The following ZMYND8 variants were observed in gnomAD, a reference collection of about 807,000 sequenced individuals.
The protein encoded by ZMYND8 is MYND-type zinc finger-containing chromatin reader ZMYND8.
A neutral mutation model predicts 140.8 loss-of-function variants in ZMYND8; 37 were observed. The observed-to-expected ratio is 0.26, with a 90% CI of 0.20 to 0.35. The LOEUF (loss-of-function observed/expected upper bound fraction) is 0.35, where lower values mean the gene tolerates loss of function less well. Among genes scored for constraint, ZMYND8 ranks in the 10% least tolerant of loss-of-function variants. The pLI, the probability that ZMYND8 is intolerant of heterozygous loss-of-function variation, is 1.00. For missense variants in ZMYND8, 1,068 were observed against 1,570.0 expected (o/e 0.68, Z 5.40); for synonymous variants, 592 against 597.1 (o/e 0.99, Z 0.12).
At position 47,278,326 on chromosome 20, in the gene ZMYND8, C is replaced by T. The variant is rs931581220; in HGVS notation, c.999-1531G>A. 2.6e-5 allele frequency among the ~76,000 whole-genome samples: 4 copies of T among 152,104 alleles called. 1 individual carries two copies. The highest frequency in any genetic ancestry group is 2.0e-4 in the Admixed American group (3 of 15,258). On this transcript the variant is annotated intron_variant, in intron 10 of 22. Transcript: ENST00000471951. The stretch of plus-strand genomic sequence containing the variant: ...ATTTCACAGACCACAAACTGAAGCC[C>T]GGTAGAAAGCAGTGGGGAGCAAAGG...
chr20:47,211,041 C>T lies in ZMYND8; in HGVS notation c.3569-144G>A. The T allele has an allele frequency of 2.6e-6, 3 of 1,141,460 alleles. No individual in the cohort carries two copies. In the South Asian group the frequency reaches 5.0e-5, roughly 19 times the overall value. The allele number at this position is 1,141,460 out of a possible 1,614,324, so 70.7% of individuals were successfully genotyped here. On this transcript the variant is annotated intron_variant, in intron 22 of 22. Coordinates refer to ENST00000471951, the MANE Select transcript of ZMYND8 (RefSeq NM_001281775.3). ...TCAAACACTGCCACCGCTGACTGCC[C>T]TGCATCTGTGGGTCTGTAGAACAGA...
At position 47,312,370 on chromosome 20, in the gene ZMYND8, C is replaced by T. The variant is rs1279311446; in HGVS notation, c.86-2166G>A. 2.0e-5 allele frequency among the ~76,000 whole-genome samples: 3 copies of T among 152,196 alleles called. No individual in the cohort carries two copies. The East Asian group carries it at 5.8e-4, about 29-fold the overall frequency. On this transcript the variant is annotated intron_variant, in intron 2 of 22. Transcript: ENST00000471951. The stretch of plus-strand genomic sequence containing the variant: ...GAACTCTCCAGCCTCACCATGCAAG[C>T]TTCTGGACAATCCTGAACAAATATT...
Position 47,210,620 on chromosome 20 carries a change from C to T in ZMYND8, c.*141G>A, listed in dbSNP as rs750250488. On this transcript the variant is annotated 3_prime_UTR_variant, in exon 23 of 23. Coordinates refer to ENST00000471951, the MANE Select transcript of ZMYND8 (RefSeq NM_001281775.3). The stretch of plus-strand genomic sequence containing the variant: ...GTGTCCTGTAGTGTAGCAGCCCCCG[C>T]GCCGGGGGCTCAGGCTCAACTGAGG... 9.5e-6 allele frequency: 13 copies of T among 1,372,018 alleles called. No homozygotes were observed. Among genetic ancestry groups the T allele is most frequent in the South Asian group, 2.4e-5 (2 of 83,298 alleles). 85.0% of individuals were successfully genotyped at this position (1,372,018 alleles called of 1,614,324 possible). A position where few individuals can be genotyped will look rare whatever the true frequency, so the allele number is the denominator to read the frequency against.
Position 47,347,861 on chromosome 20 carries a change from G to T in ZMYND8, c.80C>A (p.Ser27Tyr). The change falls in exon 2 of 23, where the codon TCC (serine) becomes TAC (tyrosine). Residue 27 changes from serine to tyrosine, a missense_variant. Ser to Tyr is a moderately radical substitution (Grantham distance 144, BLOSUM62 -2). Around this residue, in one of 10 missense-constraint regions of ZMYND8, gnomAD observed 77 missense variants for 85.1 expected, o/e 0.91. Coordinates refer to ENST00000471951, the MANE Select transcript of ZMYND8 (RefSeq NM_001281775.3). ...VVEGMDISTR[S>Y]KDPGSAERTA... is the part of the protein sequence containing the mutation. The stretch of plus-strand genomic sequence containing the variant: ...AATACAAGATTTTTACTCACCTTTG[G>T]AGCGAGTAGAGATATCCATGCCCTC... The T allele has an allele frequency of 6.2e-7, 1 of 1,613,668 alleles. No individual in the cohort carries two copies. Among genetic ancestry groups the T allele is most frequent in the Non-Finnish European group, 8.5e-7 (1 of 1,179,922 alleles).
intron 7 of ZMYND8, among the ~76,000 whole-genome samples, chr20:47,288,496 C>T (rs1241350108): frequency 2.0e-5 from 3 of 149,138 alleles, no homozygotes; most frequent in African/African-American, 5.0e-5. Flanking sequence ...TGGGTTGAAG[C>T]GATTCTTGCG....
At chr20:47,318,262 C>T (rs768834018) in intron 2 of ZMYND8, among the ~76,000 whole-genome samples, 43 of 152,152 alleles carry the variant, frequency 2.8e-4, no homozygotes, top group Admixed American at 1.3e-4. Context: ...GAAGCAGAGG[C>T]CTGCTCTACA....
chr20:47,293,015 A>G (rs2077365823), intron 5 of ZMYND8, among the ~76,000 whole-genome samples: 1 of 148,844 alleles, frequency 6.7e-6, no homozygotes, highest in Non-Finnish European at 1.5e-5. Context: ...GTAAGCTATG[A>G]CTGCGCTCCA....
intron 13 of ZMYND8, 62 bp from the exon 14 acceptor site, chr20:47,246,579 A>G: frequency 6.6e-7 from 1 of 1,511,936 alleles, no homozygotes; most frequent in East Asian, 2.3e-5. Flanking sequence ...AGGATGAAAA[A>G]TGCAAACATT....
In ZMYND8 at chr20:47,298,971, G is replaced by A; in HGVS notation, c.235-24C>T. ...GACTGAAATGTAGGCAAAAAGACAG[G>A]TTTGGTTTCAAAACAAATGTGCATT... On this transcript the variant is annotated intron_variant, in intron 3 of 22. Transcript: ENST00000471951. The surrounding 1 kb of genome is among the most constrained non-coding windows in gnomAD (Gnocchi z 5.0). 1 of 1,608,688 alleles carries A rather than the reference G, an allele frequency of 6.2e-7. No homozygotes were observed. The highest frequency in any genetic ancestry group is 1.1e-5 in the South Asian group (1 of 90,998).
intron 3 of ZMYND8, among the ~76,000 whole-genome samples, chr20:47,307,329 A>G (rs191480993): frequency 6.6e-6 from 1 of 151,542 alleles, no homozygotes; most frequent in African/African-American, 2.4e-5. Context: ...GTGGTGGTGC[A>G]TGCCTGTAAT....
intron 5 of ZMYND8, among the ~76,000 whole-genome samples, chr20:47,294,448 T>C (rs912609373): frequency 6.6e-6 from 1 of 152,180 alleles, no homozygotes; most frequent in African/African-American, 2.4e-5. Flanking sequence ...AACAGACTAA[T>C]GTACCAATTA....
At chr20:47,245,986 G>A (rs371656491) in intron 14 of ZMYND8, 22 bp downstream of exon 14, 1 of 1,551,056 alleles carries the variant, frequency 6.4e-7, no homozygotes, top group Non-Finnish European at 8.7e-7. Flanking sequence ...TAAGAAAACT[G>A]GAAACAGATA....
At chr20:47,340,899 G>A (rs926283900) in intron 2 of ZMYND8, among the ~76,000 whole-genome samples, 1 of 152,162 alleles carries the variant, frequency 6.6e-6, no homozygotes. Flanking sequence ...AAAATCAGAG[G>A]GATAGAGGAC....
chr20:47,276,724 C>A lies in ZMYND8; in HGVS notation c.1070G>T (p.Ser357Ile). ...CTCTTGCATGGCACTGTTGAAGATG[C>A]TCTTAGTCTTTTTCACAGAAAAAGG... The part of the protein sequence containing the change: ...EIPFSVKKTK[S>I]IFNSAMQEME... The change falls in exon 11 of 23, where the codon AGC (serine) becomes ATC (isoleucine). Residue 357 changes from serine to isoleucine, a missense_variant. Physicochemically the swap from Ser to Ile is moderately radical, Grantham distance 142. This residue lies in a region of ZMYND8 where 49 missense variants were observed against 94.1 expected (regional missense o/e 0.52). Transcript: ENST00000471951. 1 of 1,613,964 alleles carries A rather than the reference C, an allele frequency of 6.2e-7. No individual in the cohort carries two copies. The highest frequency in any genetic ancestry group is 8.5e-7 in the Non-Finnish European group (1 of 1,180,000).
intron 16 of ZMYND8, among the ~76,000 whole-genome samples, chr20:47,234,097 G>C (rs2038902447): frequency 6.6e-6 from 1 of 152,216 alleles, no homozygotes; most frequent in Non-Finnish European, 1.5e-5. Flanking sequence ...AGCCCAGGCT[G>C]GAGTGCAGTG....
chr20:47,221,152 C>T (rs2036880335), intron 20 of ZMYND8, among the ~76,000 whole-genome samples, 162 bp downstream of exon 20: 1 of 152,128 alleles, frequency 6.6e-6, no homozygotes, highest in South Asian at 2.1e-4. Flanking sequence ...CCACACACGC[C>T]GGCCCAGGCT....
intron 11 of ZMYND8, among the ~76,000 whole-genome samples, chr20:47,267,877 T>C (rs2075647961): frequency 6.6e-6 from 1 of 152,208 alleles, no homozygotes; most frequent in East Asian, 1.9e-4. Flanking sequence ...TAGATCACAC[T>C]GGCTCGAATT....
chr20:47,315,947 C>A (rs1463697188), intron 2 of ZMYND8, among the ~76,000 whole-genome samples: 1 of 152,190 alleles, frequency 6.6e-6, no homozygotes, highest in African/African-American at 2.4e-5. Context: ...AGGAAAACAG[C>A]TTGGCATGGA....
At chr20:47,283,445 C>CA in intron 9 of ZMYND8, 126 bp downstream of exon 9, 2 of 960,424 alleles carry the variant, frequency 2.1e-6, no homozygotes, top group African/African-American at 1.6e-5. Context: ...ATTTTATCAG[C>CA]AAAAAATTAT....
Sources: allele counts gnomAD v4.1 joint callset (sites outside exome capture counted in the v4.1 genomes callset), GRCh38; gene constraint gnomAD v4.1.1; regional missense constraint gnomAD v4.1.1; non-coding constraint Gnocchi (gnomAD v3.1); transcripts MANE v1.5; gene names NCBI Gene and HGNC (gene_info 2026-07-23, HGNC 2026-07-21).